The following FOXP1 variants were observed in gnomAD, a reference collection of about 807,000 sequenced individuals.
FOXP1 encodes forkhead box protein P1.
A neutral mutation model predicts 98.2 loss-of-function variants in FOXP1; 15 were observed. That is an observed-to-expected ratio of 0.15 (90% confidence interval 0.10 to 0.24). FOXP1 has a LOEUF of 0.24. Among genes scored for constraint, FOXP1 ranks in the 10% least tolerant of loss-of-function variants. The pLI, the probability that FOXP1 is intolerant of heterozygous loss-of-function variation, is 1.00. For synonymous variants in FOXP1, 371 were observed against 314.5 expected (o/e 1.18, Z -1.90); for missense variants, 633 against 848.5 (o/e 0.75, Z 3.15).
At chr3:71,416,137 C>G (rs772726353) in intron 3 of FOXP1, among the ~76,000 whole-genome samples, 2 of 152,034 alleles carry the variant, frequency 1.3e-5, no homozygotes, top group Non-Finnish European at 2.9e-5. Context: ...GGGGAGAAGA[C>G]AGACATTAAT....
chr3:71,436,842 C>T (rs960051964), intron 3 of FOXP1, among the ~76,000 whole-genome samples: 2 of 152,122 alleles, frequency 1.3e-5, no homozygotes, highest in South Asian at 4.1e-4. Flanking sequence ...GTAATTTTGG[C>T]GTAACTTTGA....
intron 7 of FOXP1, among the ~76,000 whole-genome samples, chr3:71,077,967 C>A (rs1281645752): frequency 6.6e-6 from 1 of 151,928 alleles, no homozygotes; most frequent in Non-Finnish European, 1.5e-5. Flanking sequence ...CGAGTAACTG[C>A]GATTATAGGC....
intron 3 of FOXP1, among the ~76,000 whole-genome samples, chr3:71,419,230 A>G (rs558783573): frequency 2.2e-5 from 2 of 90,722 alleles, no homozygotes; most frequent in Admixed American, 1.4e-4. Flanking sequence ...GGGAGACTCC[A>G]TCTCAAAAAA....
intron 9 of FOXP1, among the ~76,000 whole-genome samples, chr3:71,051,854 A>G (rs1376626209): frequency 6.6e-6 from 1 of 152,144 alleles, no homozygotes; most frequent in Non-Finnish European, 1.5e-5. Context: ...AATGCTGTCA[A>G]CCTTCATGGT....
At chr3:71,235,607 C>T (rs188830271) in intron 5 of FOXP1, among the ~76,000 whole-genome samples, 34 of 152,154 alleles carry the variant, frequency 2.2e-4, no homozygotes, top group Non-Finnish European at 4.0e-4. Flanking sequence ...CACTCTGTTG[C>T]CCAGGCTGGA....
chr3:70,970,399 C>A (rs1575737105), intron 19 of FOXP1: 2 of 343,356 alleles, frequency 5.8e-6, no homozygotes, highest in East Asian at 1.4e-4. Context: ...GCCTATCATC[C>A]AGCACATTAA....
intron 5 of FOXP1, among the ~76,000 whole-genome samples, chr3:71,295,184 A>T (rs2073159754): frequency 6.6e-6 from 1 of 152,218 alleles, no homozygotes; most frequent in Non-Finnish European, 1.5e-5. Flanking sequence ...CTGGTAACTC[A>T]GTAACGACTG....
At chr3:71,429,684 G>A (rs1217533727) in intron 3 of FOXP1, among the ~76,000 whole-genome samples, 1 of 152,212 alleles carries the variant, frequency 6.6e-6, no homozygotes, top group African/African-American at 2.4e-5. Flanking sequence ...TGATTCGTCT[G>A]TGTTAACTAA....
chr3:71,484,385 C>T (rs2090504957), intron 3 of FOXP1, among the ~76,000 whole-genome samples: 1 of 152,160 alleles, frequency 6.6e-6, no homozygotes, highest in African/African-American at 2.4e-5. Context: ...TCACAAAAAG[C>T]ATACTTCAAG....
At chr3:71,170,194 T>C (rs930544565) in intron 6 of FOXP1, among the ~76,000 whole-genome samples, 4 of 152,242 alleles carry the variant, frequency 2.6e-5, no homozygotes, top group African/African-American at 9.6e-5. Flanking sequence ...TGTGTTTCTC[T>C]TTCCTATCCC....
At chr3:71,358,683 T>C (rs565707044) in intron 4 of FOXP1, among the ~76,000 whole-genome samples, 22 of 152,322 alleles carry the variant, frequency 1.4e-4, no homozygotes, top group Admixed American at 1.3e-3. Context: ...ATGTCCGTTT[T>C]TGATGCATCC....
chr3:71,397,811 A>C (rs2081644173), intron 3 of FOXP1, among the ~76,000 whole-genome samples: 1 of 152,222 alleles, frequency 6.6e-6, no homozygotes, highest in Non-Finnish European at 1.5e-5. Flanking sequence ...AAGGCAGGAA[A>C]GTTCCTATGT....
chr3:71,495,101 T>C (rs35768603), intron 2 of FOXP1, among the ~76,000 whole-genome samples: 50,355 of 152,038 alleles, frequency 0.33, 9,375 homozygotes, highest in Non-Finnish European at 0.43. Flanking sequence ...CTATAATCAA[T>C]GTAGATACAG....
At chr3:71,500,827 A>G (rs945465951) in intron 2 of FOXP1, among the ~76,000 whole-genome samples, 2 of 152,192 alleles carry the variant, frequency 1.3e-5, no homozygotes, top group Non-Finnish European at 1.5e-5. Context: ...AGATCCATGG[A>G]AACCTTTCTA....
At chr3:71,541,037 T>A (rs1158255788) in intron 2 of FOXP1, among the ~76,000 whole-genome samples, 1 of 152,234 alleles carries the variant, frequency 6.6e-6, no homozygotes, top group African/African-American at 2.4e-5. Flanking sequence ...AATGCTGGCT[T>A]TGAGTCCTGA....
chr3:71,349,087 A>C (rs1417018595), intron 4 of FOXP1, among the ~76,000 whole-genome samples: 1 of 152,148 alleles, frequency 6.6e-6, no homozygotes, highest in East Asian at 1.9e-4. Flanking sequence ...TTGGAATATA[A>C]CCATGTGCCA....
intron 6 of FOXP1, among the ~76,000 whole-genome samples, chr3:71,136,371 T>A (rs1047577720): frequency 2.0e-5 from 3 of 152,250 alleles, no homozygotes; most frequent in Admixed American, 6.5e-5. Context: ...AGGAAAACTG[T>A]CAACTAAATA....
intron 4 of FOXP1, among the ~76,000 whole-genome samples, chr3:71,320,785 C>T (rs887911293): frequency 6.6e-6 from 1 of 152,174 alleles, no homozygotes; most frequent in African/African-American, 2.4e-5. Context: ...AAAATCAGCT[C>T]TTCTCCATCT....
At chr3:71,119,299 ATT>A (rs1482786587) in intron 6 of FOXP1, among the ~76,000 whole-genome samples, 1 of 152,186 alleles carries the variant, frequency 6.6e-6, no homozygotes, top group African/African-American at 2.4e-5. Flanking sequence ...CATGTGCCTT[ATT>A]GGTGGCCAGT....
Sources: gnomAD v4.1 joint callset for allele counts (sites outside exome capture counted in the v4.1 genomes callset) on GRCh38, gnomAD v4.1.1 for gene constraint, MANE v1.5 for transcripts, NCBI Gene and HGNC (gene_info 2026-07-23, HGNC 2026-07-21) for gene names.